PRKG1: variants seen among roughly 807,000 people sequenced by gnomAD.
PRKG1 encodes cGMP-dependent protein kinase 1.
In PRKG1, 35 loss-of-function variants were observed where a neutral mutation model predicts 88.1. The ratio of observed to expected loss-of-function variants is 0.40; its 90% CI spans 0.30 to 0.53. The LOEUF is 0.53. PRKG1 is among the 20% of genes least tolerant of loss of function. The pLI, the probability that PRKG1 is intolerant of heterozygous loss-of-function variation, is 0.59. For missense variants in PRKG1, 540 were observed against 839.8 expected (o/e 0.64, Z 4.41); for synonymous variants, 303 against 292.5 (o/e 1.04, Z -0.37).
At chr10:51,940,794 C>T (rs1842891158) in intron 5 of PRKG1, among the ~76,000 whole-genome samples, 1 of 151,934 alleles carries the variant, frequency 6.6e-6, no homozygotes, top group Admixed American at 6.6e-5. Flanking sequence ...CACCAAAGCA[C>T]CAAGCCCATA....
chr10:51,071,482 C>T (rs1428628249), upstream of PRKG1, among the ~76,000 whole-genome samples: 1 of 152,112 alleles, frequency 6.6e-6, no homozygotes, highest in Non-Finnish European at 1.5e-5. Context: ...TTGTAAAAGT[C>T]ATGTCTTTTC....
chr10:51,016,376 T>C (rs1207012640), intron 1 of PRKG1, among the ~76,000 whole-genome samples: 1 of 152,168 alleles, frequency 6.6e-6, no homozygotes, highest in African/African-American at 2.4e-5. Context: ...TCTTTGTTAT[T>C]ATGATTGAAT....
intron 7 of PRKG1, among the ~76,000 whole-genome samples, chr10:52,105,388 A>G (rs534441525): frequency 6.6e-6 from 1 of 152,304 alleles, no homozygotes; most frequent in South Asian, 2.1e-4. Flanking sequence ...AACTTGACTG[A>G]TTTTGAAACT....
intron 3 of PRKG1, among the ~76,000 whole-genome samples, chr10:51,660,981 A>G (rs1378210767): frequency 6.6e-6 from 1 of 152,124 alleles, no homozygotes. Context: ...AACATAAATC[A>G]CATATTAGAA....
At chr10:51,559,314 C>G (rs1837398005) in intron 3 of PRKG1, among the ~76,000 whole-genome samples, 1 of 152,070 alleles carries the variant, frequency 6.6e-6, no homozygotes, top group Admixed American at 6.6e-5. Flanking sequence ...AAGCAGGCTC[C>G]ATTGATTTTC....
intron 16 of PRKG1, 101 bp from the exon 17 acceptor site, chr10:52,290,119 ATGTT>A (rs1313267532): frequency 1.2e-6 from 1 of 800,838 alleles, no homozygotes; most frequent in Non-Finnish European, 2.0e-6. Flanking sequence ...TCACATGAAA[ATGTT>A]TGCCTAACTG....
intron 4 of PRKG1, among the ~76,000 whole-genome samples, chr10:51,895,315 G>T (rs930739535): frequency 2.2e-4 from 33 of 152,190 alleles, no homozygotes; most frequent in African/African-American, 8.0e-4. Context: ...AGTTTCTTCT[G>T]GGTGTGTCCC....
chr10:52,234,459 G>C (rs1422311848), intron 9 of PRKG1, among the ~76,000 whole-genome samples: 2 of 151,710 alleles, frequency 1.3e-5, no homozygotes, highest in Admixed American at 6.6e-5. Context: ...CCAATACAGA[G>C]AAGTGCTTAA....
chr10:51,043,157 A>G (rs1029747801), intron 1 of PRKG1, among the ~76,000 whole-genome samples: 2 of 152,154 alleles, frequency 1.3e-5, no homozygotes, highest in African/African-American at 4.8e-5. Context: ...TTGGAAAGCC[A>G]GGGTGACCTT....
At chr10:52,176,173 C>CTTTTTTTTT (rs140722137) in intron 9 of PRKG1, among the ~76,000 whole-genome samples, 142 of 95,658 alleles carry the variant, frequency 1.5e-3, no homozygotes, top group East Asian at 3.8e-3. Context: ...TTCTTTTTCT[C>CTTTTTTTTT]TTTTTTTTTT....
intron 4 of PRKG1, among the ~76,000 whole-genome samples, chr10:51,854,765 C>A (rs1840638268): frequency 6.6e-6 from 1 of 152,026 alleles, no homozygotes; most frequent in South Asian, 2.1e-4. Flanking sequence ...CAAAATGTTT[C>A]CCCATTAAAT....
chr10:51,566,602 A>G (rs1837611478), intron 3 of PRKG1, among the ~76,000 whole-genome samples: 1 of 151,940 alleles, frequency 6.6e-6, no homozygotes, highest in Admixed American at 6.6e-5. Flanking sequence ...CAGGTAAGAT[A>G]GTGAAGGTTT....
At chr10:52,003,401 A>G (rs1175919660) in intron 5 of PRKG1, among the ~76,000 whole-genome samples, 1 of 152,152 alleles carries the variant, frequency 6.6e-6, no homozygotes, top group Non-Finnish European at 1.5e-5. Flanking sequence ...CAGGTGTTCA[A>G]TCATGTAGGT....
At chr10:51,041,881 T>C (rs1442447209) in intron 1 of PRKG1, among the ~76,000 whole-genome samples, 1 of 152,210 alleles carries the variant, frequency 6.6e-6, no homozygotes, top group Non-Finnish European at 1.5e-5. Flanking sequence ...AGACAGTAAC[T>C]GAAGTCTGCA....
intron 2 of PRKG1, among the ~76,000 whole-genome samples, chr10:51,190,059 T>A (rs980821146): frequency 6.6e-6 from 1 of 151,946 alleles, no homozygotes; most frequent in African/African-American, 2.4e-5. Flanking sequence ...GTTGGTTATG[T>A]GTGTGAGTGG....
rs36062703 is a variant in PRKG1 at position 51,691,993 on chromosome 10, G to A, written c.593-112592G>A. On this transcript the variant is annotated intron_variant, in intron 3 of 17. Transcript: ENST00000373980. ...ATAGATGAGGATCTTTTCCTCTGATGATTGATAAGCATAAAAAGATGAAAT... is the reference window on the plus strand; with the variant it reads ...ATAGATGAGGATCTTTTCCTCTGATAATTGATAAGCATAAAAAGATGAAAT... Among the ~76,000 whole-genome samples the A allele has an allele frequency of 8.3e-3, 1,256 of 152,230 alleles. 9 individuals are homozygous for A. The highest frequency in any genetic ancestry group is 0.014 in the Non-Finnish European group (932 of 68,016).
In PRKG1 at chr10:51,448,870, A is replaced by G. The variant is rs370744616; in HGVS notation, c.479-18853A>G. Reference sequence around the variant, plus strand: ...ATTGTTCCACCTGCTACTTACATTTATTTGAAAGTAAATTCACAGTGATGA... The same window carrying G: ...ATTGTTCCACCTGCTACTTACATTTGTTTGAAAGTAAATTCACAGTGATGA... On this transcript the variant is annotated intron_variant, in intron 2 of 17. Coordinates refer to ENST00000373980, the MANE Select transcript of PRKG1 (RefSeq NM_006258.4). 4.6e-5 allele frequency among the ~76,000 whole-genome samples: 7 copies of G among 152,006 alleles called. No homozygotes were observed. In the East Asian group the frequency reaches 1.4e-3, roughly 29 times the overall value.
At chr10:51,107,596 G>A (rs560722159) in intron 1 of PRKG1, among the ~76,000 whole-genome samples, 1 of 151,910 alleles carries the variant, frequency 6.6e-6, no homozygotes, top group South Asian at 2.1e-4. Flanking sequence ...CAGCACTTTG[G>A]GAGGCCAAGG....
At chr10:51,777,334 T>C (rs1356992474) in intron 3 of PRKG1, among the ~76,000 whole-genome samples, 1 of 152,092 alleles carries the variant, frequency 6.6e-6, no homozygotes. Flanking sequence ...GTACTGGAAA[T>C]ACCCTTCACC....
Sources: gnomAD v4.1 joint callset for allele counts (sites outside exome capture counted in the v4.1 genomes callset) on GRCh38, gnomAD v4.1.1 for gene constraint, MANE v1.5 for transcripts, NCBI Gene and HGNC (gene_info 2026-07-23, HGNC 2026-07-21) for gene names.